CAMTA1: variants seen among roughly 807,000 people sequenced by gnomAD.
CAMTA1 encodes the protein calmodulin-binding transcription activator 1.
CAMTA1 carries 27 observed loss-of-function variants against 170.9 expected under a neutral mutation model. That is an observed-to-expected ratio of 0.16 (90% CI 0.12 to 0.22). CAMTA1 has a LOEUF of 0.22. Ranked by LOEUF, CAMTA1 falls within the 10% of genes least tolerant of loss-of-function variation. CAMTA1 has a pLI of 1.00. For missense variants in CAMTA1, 1,619 were observed against 2,217.2 expected, an observed-to-expected ratio of 0.73 and a Z score of 5.42; for synonymous variants, 833 against 891.5, an observed-to-expected ratio of 0.93 and a Z score of 1.17.
rs1357221750 is a variant in CAMTA1 at position 7,092,147 on chromosome 1, A to G, written c.302+776A>G. Among the ~76,000 whole-genome samples the G allele has an allele frequency of 1.3e-5, 2 of 152,336 alleles. No homozygotes were observed. The highest frequency in any genetic ancestry group is 1.9e-4 in the East Asian group (1 of 5,192). On this transcript the variant is annotated intron_variant, in intron 4 of 22. Coordinates refer to ENST00000303635, the MANE Select transcript of CAMTA1 (RefSeq NM_015215.4). The surrounding 1 kb of genome is among the most constrained non-coding windows in gnomAD (Gnocchi z 5.0). ...TAGCAGTGACAGGACCCAGGTGTTTATTAGCTGGCGGGGTGGTAGCTGGAG... is the reference window on the plus strand; with the variant it reads ...TAGCAGTGACAGGACCCAGGTGTTTGTTAGCTGGCGGGGTGGTAGCTGGAG...
chr1:7,016,296 C>G (rs370448955), intron 3 of CAMTA1, among the ~76,000 whole-genome samples: 1 of 152,128 alleles, frequency 6.6e-6, no homozygotes, highest in Non-Finnish European at 1.5e-5. Context: ...TCCACATGTT[C>G]TCTTGGTGAA....
chr1:7,109,389 G>T (rs553213229), intron 4 of CAMTA1, among the ~76,000 whole-genome samples: 1 of 152,294 alleles, frequency 6.6e-6, no homozygotes, highest in Non-Finnish European at 1.5e-5. Flanking sequence ...GCATCAATAC[G>T]CACTCTCTGG....
intron 3 of CAMTA1, among the ~76,000 whole-genome samples, chr1:7,047,721 C>CTTTTTTTT (rs61590402): frequency 7.7e-6 from 1 of 129,512 alleles, no homozygotes. Context: ...CTCTCTCTCT[C>CTTTTTTTT]TTTTTTTTTT....
intron 5 of CAMTA1, among the ~76,000 whole-genome samples, chr1:7,420,051 C>G (rs1330367617): frequency 6.6e-6 from 1 of 152,192 alleles, no homozygotes; most frequent in Non-Finnish European, 1.5e-5. Flanking sequence ...TGCTCAGAAG[C>G]CACCAGGAGG....
intron 6 of CAMTA1, among the ~76,000 whole-genome samples, chr1:7,504,758 C>T (rs866865668): frequency 4.3e-4 from 66 of 152,390 alleles, no homozygotes; most frequent in Admixed American, 4.6e-4. Flanking sequence ...CTGGGAATAG[C>T]GGCTCTGGAC....
intron 3 of CAMTA1, chr1:6,853,126 G>T (rs1175442538): frequency 6.6e-6 from 1 of 152,226 alleles, no homozygotes; most frequent in Non-Finnish European, 1.5e-5. Flanking sequence ...GAAGAGAAAT[G>T]ATCCTGCATG....
Position 7,361,548 on chromosome 1 carries a change from TAGA to T in CAMTA1, c.439-106279_439-106277del, listed in dbSNP as rs2085534442. Among the ~76,000 whole-genome samples the T allele has an allele frequency of 2.6e-5, 4 of 152,336 alleles. 1 individual carries two copies. The South Asian group carries it at 8.3e-4, about 32-fold the overall frequency. On this transcript the variant is annotated intron_variant, in intron 5 of 22. Transcript: ENST00000303635. Reference sequence around the variant, plus strand: ...TCTGAGATCCTCCCTGCTAGCTGTGTAGAAGGAACCAGAATATCCAGGTCCTGT... The same window carrying T: ...TCTGAGATCCTCCCTGCTAGCTGTGTAGGAACCAGAATATCCAGGTCCTGT...
intron 5 of CAMTA1, among the ~76,000 whole-genome samples, chr1:7,377,249 AT>A (rs1240460555): frequency 1.3e-5 from 2 of 152,216 alleles, no homozygotes; most frequent in African/African-American, 4.8e-5. Flanking sequence ...TACAGCAGCA[AT>A]TAACACCGTC....
chr1:6,818,356 A>AC (rs764278757), intron 1 of CAMTA1, among the ~76,000 whole-genome samples: 50 of 151,270 alleles, frequency 3.3e-4, no homozygotes, highest in African/African-American at 1.2e-3. Flanking sequence ...AAACAAACAA[A>AC]TAACAACAAA....
Position 7,301,339 on chromosome 1 carries a change from G to A in CAMTA1, c.438+51713G>A, listed in dbSNP as rs1356372213. On this transcript the variant is annotated intron_variant, in intron 5 of 22. Transcript: ENST00000303635. ...TAATGTGGTTTGACTTTTTCAGGGT[G>A]ATAGTTTGGAAAAATACAGATCTGC... is the stretch of plus-strand genomic sequence containing the variant. Among the ~76,000 whole-genome samples, 3 of 152,340 alleles carry A rather than the reference G, an allele frequency of 2.0e-5. No individual in the cohort carries two copies. The East Asian group carries it at 5.8e-4, about 29-fold the overall frequency.
chr1:7,672,491 G>A (rs1044802412), intron 10 of CAMTA1, among the ~76,000 whole-genome samples: 7 of 152,020 alleles, frequency 4.6e-5, no homozygotes, highest in African/African-American at 1.4e-4. Context: ...ATGCAATCTC[G>A]GCTCACTGCA....
intron 3 of CAMTA1, among the ~76,000 whole-genome samples, chr1:6,884,762 G>A (rs556764634): frequency 6.6e-6 from 1 of 152,328 alleles, no homozygotes; most frequent in East Asian, 1.9e-4. Context: ...TCATTTTGTA[G>A]TGCTAAAATC....
intron 5 of CAMTA1, among the ~76,000 whole-genome samples, chr1:7,413,839 T>C (rs2090969073): frequency 1.3e-5 from 2 of 152,216 alleles, no homozygotes; most frequent in Admixed American, 6.5e-5. Flanking sequence ...TGTGCCAGTT[T>C]TCAAAGGGAA....
intron 6 of CAMTA1, among the ~76,000 whole-genome samples, chr1:7,542,700 T>C (rs1180552237): frequency 6.6e-6 from 1 of 151,686 alleles, no homozygotes; most frequent in Admixed American, 6.6e-5. Context: ...GGCTAATGTT[T>C]GTATTTTTAG....
Position 7,732,715 on chromosome 1 carries a change from A to T in CAMTA1, c.3066+116A>T. 1 of 1,363,188 alleles carries T rather than the reference A, an allele frequency of 7.3e-7. No individual in the cohort carries two copies. Among genetic ancestry groups the T allele is most frequent in the Non-Finnish European group, 9.8e-7 (1 of 1,018,190 alleles). 84.4% of individuals were successfully genotyped at this position (1,363,188 alleles called of 1,614,324 possible). A position where few individuals can be genotyped will look rare whatever the true frequency, so the allele number is the denominator to read the frequency against. ...GCTGATGCGGTCCCTGTATTCAGGCAGAAGGCCTGAGGGAGTACTTTACGG... is the reference window on the plus strand; with the variant it reads ...GCTGATGCGGTCCCTGTATTCAGGCTGAAGGCCTGAGGGAGTACTTTACGG... On this transcript the variant is annotated intron_variant, in intron 12 of 22. Transcript: ENST00000303635. The surrounding 1 kb of genome is among the most constrained non-coding windows in gnomAD (Gnocchi z 4.1).
chr1:7,052,484 C>T (rs1281615755), intron 3 of CAMTA1, among the ~76,000 whole-genome samples: 1 of 152,194 alleles, frequency 6.6e-6, no homozygotes, highest in Non-Finnish European at 1.5e-5. Flanking sequence ...CGCCTCAACA[C>T]CAGAATCCAG....
At chr1:7,271,225 A>C (rs940638388) in intron 5 of CAMTA1, among the ~76,000 whole-genome samples, 16 of 152,350 alleles carry the variant, frequency 1.1e-4, no homozygotes, top group African/African-American at 3.8e-4. Context: ...CTGTGAGCAC[A>C]GACCGAGGAA....
intron 3 of CAMTA1, among the ~76,000 whole-genome samples, chr1:6,948,045 C>A (rs577321573): frequency 5.9e-5 from 9 of 152,158 alleles, no homozygotes; most frequent in Non-Finnish European, 1.0e-4. Flanking sequence ...CCACCTAGAA[C>A]CTCCAGTACA....
chr1:7,594,188 GA>G (rs1300563409), intron 6 of CAMTA1, among the ~76,000 whole-genome samples: 3 of 124,878 alleles, frequency 2.4e-5, no homozygotes, highest in East Asian at 2.3e-4. Context: ...GAAAAGACAA[GA>G]AAGGAGGGAG....
Sources: allele counts gnomAD v4.1 joint callset (sites outside exome capture counted in the v4.1 genomes callset), GRCh38; gene constraint gnomAD v4.1.1; non-coding constraint Gnocchi (gnomAD v3.1); transcripts MANE v1.5; gene names NCBI Gene and HGNC (gene_info 2026-07-23, HGNC 2026-07-21).